STXBP5L: variants seen among roughly 807,000 people sequenced by gnomAD.
STXBP5L encodes syntaxin-binding protein 5-like.
A neutral mutation model predicts 144.5 loss-of-function variants in STXBP5L; 65 were observed. The ratio of observed to expected loss-of-function variants is 0.45; its 90% CI spans 0.37 to 0.55. The LOEUF (loss-of-function observed/expected upper bound fraction) is 0.55, where lower values mean the gene tolerates loss of function less well. Among genes scored for constraint, STXBP5L ranks in the 20% least tolerant of loss-of-function variants. The pLI is 0.00. For missense variants in STXBP5L, 1,298 were observed against 1,405.5 expected, an observed-to-expected ratio of 0.92 and a Z score of 1.22; for synonymous variants, 505 against 469.6, an observed-to-expected ratio of 1.08 and a Z score of -0.97.
chr3:120,998,897 T>C (rs1943558517), intron 3 of STXBP5L, among the ~76,000 whole-genome samples: 1 of 152,178 alleles, frequency 6.6e-6, no homozygotes. Context: ...AACACTCCAA[T>C]CTCATGGATA....
rs868409602 is a variant in STXBP5L, at chr3:120,997,568, A to G, written c.287+42531A>G. 2.0e-5 allele frequency among the ~76,000 whole-genome samples: 3 copies of G among 152,216 alleles called. No homozygotes were observed. In the South Asian group the frequency reaches 6.2e-4, roughly 32 times the overall value. On this transcript the variant is annotated intron_variant, in intron 3 of 26. Coordinates refer to ENST00000471454, the MANE Select transcript of STXBP5L (RefSeq NM_001308330.2). ...TTTCATACGCTTGTTGGCCATGTGT[A>G]TGTCTTCTTTTGAGTAGCATCTGTT...
At chr3:121,221,776 T>G (rs975375777) in intron 10 of STXBP5L, among the ~76,000 whole-genome samples, 10 of 151,886 alleles carry the variant, frequency 6.6e-5, no homozygotes, top group Non-Finnish European at 1.3e-4. Flanking sequence ...TTTTGTTTAT[T>G]TTGCTTATAA....
intron 5 of STXBP5L, among the ~76,000 whole-genome samples, chr3:121,073,711 C>T (rs1455554173): frequency 6.6e-6 from 1 of 152,162 alleles, no homozygotes; most frequent in Non-Finnish European, 1.5e-5. Context: ...ATTCTTCCCC[C>T]CTGCCCCCGC....
At chr3:121,214,504 G>A (rs2048702249) in intron 10 of STXBP5L, among the ~76,000 whole-genome samples, 1 of 152,128 alleles carries the variant, frequency 6.6e-6, no homozygotes, top group African/African-American at 2.4e-5. Context: ...CAGTTTCCAT[G>A]TTGTTTTGTG....
intron 19 of STXBP5L, among the ~76,000 whole-genome samples, chr3:121,299,997 A>G (rs1287361240): frequency 3.6e-5 from 5 of 139,528 alleles, no homozygotes; most frequent in Non-Finnish European, 7.9e-5. Context: ...AAAAAAAAAT[A>G]CAAAGAAAAC....
intron 20 of STXBP5L, among the ~76,000 whole-genome samples, chr3:121,354,508 CTT>C (rs145703750): frequency 5.9e-5 from 4 of 67,534 alleles, no homozygotes; most frequent in African/African-American, 1.8e-4. Flanking sequence ...TGCAACCCTG[CTT>C]TTTTTTTTTT....
intron 3 of STXBP5L, among the ~76,000 whole-genome samples, chr3:120,974,231 A>T (rs1002984442): frequency 1.2e-4 from 18 of 152,088 alleles, no homozygotes; most frequent in Non-Finnish European, 1.9e-4. Context: ...AATGATTGCC[A>T]TTCTAACTGG....
At chr3:120,969,586 G>A (rs140637226) in intron 3 of STXBP5L, among the ~76,000 whole-genome samples, 93 of 151,832 alleles carry the variant, frequency 6.1e-4, no homozygotes, top group Non-Finnish European at 8.8e-4. Flanking sequence ...TGTTGTATTT[G>A]CTTTTGGAGT....
intron 11 of STXBP5L, among the ~76,000 whole-genome samples, chr3:121,231,428 T>C (rs543153245): frequency 2.0e-4 from 31 of 152,224 alleles, no homozygotes; most frequent in Non-Finnish European, 3.8e-4. Flanking sequence ...CCAGGGGCAC[T>C]GTGACTGATA....
chr3:121,165,379 A>C (rs1202432605), intron 9 of STXBP5L, among the ~76,000 whole-genome samples: 1 of 152,150 alleles, frequency 6.6e-6, no homozygotes, highest in Non-Finnish European at 1.5e-5. Flanking sequence ...GATATTATAC[A>C]ATGTTTGCCA....
intron 19 of STXBP5L, among the ~76,000 whole-genome samples, chr3:121,295,091 G>A (rs1054330715): frequency 6.6e-5 from 10 of 152,108 alleles, no homozygotes; most frequent in Non-Finnish European, 1.2e-4. Context: ...GTTAAAAGGA[G>A]TAGTTTGGGG....
At chr3:121,407,997 T>C (rs764024588) in intron 23 of STXBP5L, among the ~76,000 whole-genome samples, 4 of 152,040 alleles carry the variant, frequency 2.6e-5, no homozygotes, top group Non-Finnish European at 5.9e-5. Flanking sequence ...TGTTTGATAC[T>C]TCACCCAAGA....
chr3:121,301,613 T>A (rs1248348926), intron 19 of STXBP5L, among the ~76,000 whole-genome samples: 2 of 152,234 alleles, frequency 1.3e-5, no homozygotes, highest in African/African-American at 4.8e-5. Flanking sequence ...AGGGCATCCC[T>A]GTCTTGTGCC....
chr3:121,005,379 T>C (rs1944196998), intron 3 of STXBP5L, among the ~76,000 whole-genome samples: 1 of 152,222 alleles, frequency 6.6e-6, no homozygotes, highest in African/African-American at 2.4e-5. Context: ...TTTGTATTTC[T>C]GTGTGAACGG....
At chr3:121,041,239 A>T (rs545978806) in intron 3 of STXBP5L, among the ~76,000 whole-genome samples, 10 of 151,908 alleles carry the variant, frequency 6.6e-5, no homozygotes, top group Non-Finnish European at 1.5e-4. Flanking sequence ...ATATCAGTCT[A>T]TTTCTTTATG....
At chr3:121,197,607 TA>T (rs975055264) in intron 9 of STXBP5L, among the ~76,000 whole-genome samples, 1 of 152,120 alleles carries the variant, frequency 6.6e-6, no homozygotes, top group African/African-American at 2.4e-5. Flanking sequence ...ATCTAGGTTT[TA>T]AGCCCCGCAT....
chr3:121,200,461 C>T (rs1213726973), intron 9 of STXBP5L, among the ~76,000 whole-genome samples: 1 of 152,048 alleles, frequency 6.6e-6, no homozygotes, highest in South Asian at 2.1e-4. Context: ...TGAAGAGTTT[C>T]TCATGTCTCT....
At position 120,993,976 on chromosome 3, in the gene STXBP5L, T is replaced by C. The variant is rs573839986; in HGVS notation, c.287+38939T>C. The stretch of plus-strand genomic sequence containing the variant: ...TTTGTGTCCTCTTAAATTTCTTTCA[T>C]CAGTGTTTTGTAGTTTTCCTTGGAG... On this transcript the variant is annotated intron_variant, in intron 3 of 26. Coordinates refer to ENST00000471454, the MANE Select transcript of STXBP5L (RefSeq NM_001308330.2). 5.9e-5 allele frequency among the ~76,000 whole-genome samples: 9 copies of C among 152,182 alleles called. No homozygotes were observed. In the South Asian group the frequency reaches 1.9e-3, roughly 32 times the overall value.
chr3:121,396,492 A>T (rs1467910446), intron 22 of STXBP5L, among the ~76,000 whole-genome samples: 2 of 152,226 alleles, frequency 1.3e-5, no homozygotes, highest in Non-Finnish European at 2.9e-5. Flanking sequence ...GCCCAAAGTG[A>T]AAAAAGGTGT....
Sources: allele counts gnomAD v4.1 joint callset (sites outside exome capture counted in the v4.1 genomes callset), GRCh38; gene constraint gnomAD v4.1.1; transcripts MANE v1.5; gene names NCBI Gene and HGNC (gene_info 2026-07-23, HGNC 2026-07-21).